TMEM131: variants seen among roughly 807,000 people sequenced by gnomAD.
TMEM131 encodes the protein 2610524E03Rik.
Under a neutral mutation model 211.6 loss-of-function variants are expected in TMEM131, and 66 were observed. That is an observed-to-expected ratio of 0.31 (90% CI 0.26 to 0.38). TMEM131 has a LOEUF of 0.38. Ranked by LOEUF, TMEM131 falls within the 10% of genes least tolerant of loss-of-function variation. TMEM131 has a pLI of 1.00. For synonymous variants in TMEM131, 844 were observed against 841.3 expected, an observed-to-expected ratio of 1.00 and a Z score of -0.06; for missense variants, 2,036 against 2,299.3, an observed-to-expected ratio of 0.89 and a Z score of 2.34.
At chr2:97,970,333 A>T (rs1477766000) in intron 1 of TMEM131, among the ~76,000 whole-genome samples, 1 of 152,144 alleles carries the variant, frequency 6.6e-6, no homozygotes, top group African/African-American at 2.4e-5. Context: ...CTTTCACTGG[A>T]GGCAAGGTGC....
intron 19 of TMEM131, among the ~76,000 whole-genome samples, chr2:97,808,637 C>T (rs1681415357): frequency 6.6e-6 from 1 of 152,182 alleles, no homozygotes; most frequent in African/African-American, 2.4e-5. Context: ...TTCATCCATA[C>T]ATTATGTACT....
chr2:97,780,006 T>C (rs1406656730), intron 31 of TMEM131, among the ~76,000 whole-genome samples: 2 of 151,584 alleles, frequency 1.3e-5, no homozygotes, highest in African/African-American at 2.4e-5. Context: ...GGTTACAGAG[T>C]GAGACCTTTT....
Position 97,844,172 on chromosome 2 carries a change from T to G in TMEM131, c.573A>C (p.Thr191=). ...GNVENTLFIN[T]SNHGVFTYQV... The stretch of plus-strand genomic sequence containing the variant: ...GGTAAGTAAATACCCCATGATTAGA[T>G]GTATTAATAAATAAAGTATTTTCTA... The change falls in exon 6 of 41, where the codon ACA becomes ACC. Residue 191 remains threonine (T), a synonymous_variant. Coordinates refer to ENST00000186436, the MANE Select transcript of TMEM131 (RefSeq NM_015348.2). The G allele has an allele frequency of 8.3e-7, 1 of 1,202,558 alleles. No individual in the cohort carries two copies. Among genetic ancestry groups the G allele is most frequent in the Non-Finnish European group, 1.1e-6 (1 of 895,668 alleles). The allele number at this position is 1,202,558 out of a possible 1,614,324, so 74.5% of individuals were successfully genotyped here. A position where few individuals can be genotyped will look rare whatever the true frequency, so the allele number is the denominator to read the frequency against.
intron 11 of TMEM131, among the ~76,000 whole-genome samples, chr2:97,826,527 G>A (rs1682391396): frequency 6.6e-6 from 1 of 151,972 alleles, no homozygotes; most frequent in Non-Finnish European, 1.5e-5. Context: ...AGCTGGCAGA[G>A]GCAGGGAAAG....
intron 3 of TMEM131, among the ~76,000 whole-genome samples, chr2:97,900,987 T>C (rs1675829814): frequency 6.6e-6 from 1 of 152,202 alleles, no homozygotes; most frequent in Non-Finnish European, 1.5e-5. Flanking sequence ...CATTTCTTCA[T>C]ATAACCGTTA....
chr2:97,760,954 C>T, intron 36 of TMEM131, 40 bp from the exon 37 acceptor site: 1 of 1,610,588 alleles, frequency 6.2e-7, no homozygotes, highest in South Asian at 1.1e-5. Context: ...TCCTCATCAG[C>T]AGTGCCCTGT....
At chr2:97,769,110 G>A (rs563804241) in intron 33 of TMEM131, among the ~76,000 whole-genome samples, 16 of 150,250 alleles carry the variant, frequency 1.1e-4, no homozygotes, top group African/African-American at 3.6e-4. Flanking sequence ...AGCCTCCCTA[G>A]TAGTTGGGAC....
chr2:97,841,742 AAACT>A (rs1683206487), intron 7 of TMEM131, 69 bp downstream of exon 7: 2 of 1,445,082 alleles, frequency 1.4e-6, no homozygotes, highest in Non-Finnish European at 1.8e-6. Flanking sequence ...AAACTGTAAC[AAACT>A]GAGATTTCAT....
At chr2:97,979,013 G>A (rs1055153402) in intron 1 of TMEM131, among the ~76,000 whole-genome samples, 9 of 152,186 alleles carry the variant, frequency 5.9e-5, no homozygotes, top group East Asian at 5.8e-4. Context: ...TAGCAGGCAC[G>A]AAAACAACAT....
chr2:97,761,051 G>C, intron 36 of TMEM131, 137 bp from the exon 37 acceptor site: 1 of 1,122,772 alleles, frequency 8.9e-7, no homozygotes, highest in Non-Finnish European at 1.3e-6. Context: ...TCAGCCTCAT[G>C]TCACATGCTC....
chr2:97,812,872 T>G, intron 15 of TMEM131, 123 bp from the exon 16 acceptor site: 1 of 533,730 alleles, frequency 1.9e-6, no homozygotes, highest in Non-Finnish European at 3.2e-6. Context: ...GGCATGGTGG[T>G]GTGCACCTAT....
intron 5 of TMEM131, among the ~76,000 whole-genome samples, chr2:97,853,417 A>C (rs1673705583): frequency 7.2e-6 from 1 of 138,738 alleles, no homozygotes; most frequent in Non-Finnish European, 1.5e-5. Context: ...CAACATGGTG[A>C]AATCCCATCT....
chr2:97,828,612 A>G (rs1368923445), intron 11 of TMEM131, among the ~76,000 whole-genome samples: 1 of 152,232 alleles, frequency 6.6e-6, no homozygotes, highest in African/African-American at 2.4e-5. Flanking sequence ...AATCCCAAAT[A>G]GACTCTTTGG....
intron 1 of TMEM131, among the ~76,000 whole-genome samples, chr2:97,982,637 A>G (rs1226582311): frequency 6.6e-6 from 1 of 152,238 alleles, no homozygotes; most frequent in Non-Finnish European, 1.5e-5. Flanking sequence ...CAAAATGTCC[A>G]TGTCCTAATC....
At position 97,805,585 on chromosome 2, in the gene TMEM131, T is replaced by C; in HGVS notation, c.2174A>G (p.Asn725Ser). The change falls in exon 20 of 41, where the codon AAT becomes AGT. Residue 725 changes from asparagine to serine, a missense_variant. By Grantham distance (46) the Asn-to-Ser change is conservative. Transcript: ENST00000186436. ...TTTTCCTGGCTCCAAGTCTTCCTTA[T>C]TGCCCCGTAATCGTTTATAGTAAAA... ...VRFYYKRLRG[N>S]KEDLEPGKKS... 6.2e-7 allele frequency: 1 copy of C among 1,611,098 alleles called. No homozygotes were observed. Among genetic ancestry groups the C allele is most frequent in the South Asian group, 1.1e-5 (1 of 90,748 alleles).
chr2:97,812,645 T>C lies in TMEM131; in HGVS notation c.1722A>G (p.Pro574=), dbSNP rs749540068. Residue 574 remains proline (P), a synonymous_variant, in exon 16 of 41, where the codon CCA becomes CCG. Transcript: ENST00000186436. ...AATAAAAACAGGTTTTTACCTCAAT[T>C]GGATTGCTGTTTATAATTGCAAATA... is the stretch of plus-strand genomic sequence containing the variant. ...NILFAIINSN[P]IELAIKSWHI... is the part of the protein sequence containing the mutation. 2 of 1,591,268 alleles carry C rather than the reference T, an allele frequency of 1.3e-6. No homozygotes were observed. The highest frequency in any genetic ancestry group is 1.2e-5 in the South Asian group (1 of 86,424).
At chr2:97,881,075 G>C (rs1023632827) in intron 4 of TMEM131, among the ~76,000 whole-genome samples, 2 of 152,106 alleles carry the variant, frequency 1.3e-5, no homozygotes, top group Non-Finnish European at 2.9e-5. Flanking sequence ...AAAGACGCAG[G>C]TTCTTTCCAT....
chr2:97,960,667 A>G (rs2104565750), intron 1 of TMEM131, among the ~76,000 whole-genome samples: 1 of 152,266 alleles, frequency 6.6e-6, no homozygotes, highest in East Asian at 1.9e-4. Context: ...TGTAAGAAAA[A>G]TCCTTCCCAA....
In TMEM131 at chr2:97,775,827, TGA is replaced by T. The variant is rs1334930904; in HGVS notation, c.4320+14_4320+15del. On this transcript the variant is annotated intron_variant, in intron 32 of 40. Coordinates refer to ENST00000186436, the MANE Select transcript of TMEM131 (RefSeq NM_015348.2). ...TCTTTCTCCCTCGTGTTTTGTTGTG[TGA>T]GATCAGCCCGTACCTCCTTGAGGAG... The T allele has an allele frequency of 6.2e-6, 10 of 1,600,504 alleles. No homozygotes were observed. The highest frequency in any genetic ancestry group is 6.8e-6 in the Non-Finnish European group (8 of 1,174,338).
Sources: gnomAD v4.1 joint callset for allele counts (sites outside exome capture counted in the v4.1 genomes callset) on GRCh38, gnomAD v4.1.1 for gene constraint, MANE v1.5 for transcripts, NCBI Gene and HGNC (gene_info 2026-07-23, HGNC 2026-07-21) for gene names.